Variants in ITPR2 observed in about 807,000 individuals in gnomAD.
The protein encoded by ITPR2 is inositol 1,4,5-trisphosphate-gated calcium channel ITPR2.
ITPR2 carries 207 observed loss-of-function variants against 317.1 expected under a neutral mutation model. The observed-to-expected ratio is 0.65, with a 90% CI of 0.58 to 0.73. The LOEUF is 0.73. Among genes scored for constraint, ITPR2 ranks in the 30% least tolerant of loss-of-function variants. ITPR2 has a pLI of 0.00. For missense variants in ITPR2, 2,613 were observed against 3,284.0 expected, an observed-to-expected ratio of 0.80 and a Z score of 4.99; for synonymous variants, 1,156 against 1,149.1, an observed-to-expected ratio of 1.01 and a Z score of -0.12.
chr12:26,662,154 T>A (rs1358131959), intron 15 of ITPR2, among the ~76,000 whole-genome samples: 1 of 152,218 alleles, frequency 6.6e-6, no homozygotes, highest in African/African-American at 2.4e-5. Context: ...CAAACAGAAT[T>A]GTGAAGCCAA....
Position 26,580,010 on chromosome 12 carries a change from G to A in ITPR2, c.4509+17C>T. 1 of 1,602,166 alleles carries A rather than the reference G, an allele frequency of 6.2e-7. No individual in the cohort carries two copies. The highest frequency in any genetic ancestry group is 8.5e-7 in the Non-Finnish European group (1 of 1,175,378). Reference sequence around the variant, plus strand: ...GAAACTCTTTGCAACAGAATGCTTTGCAATTGTTTAACTTACCTGGAGGCT... The same window carrying A: ...GAAACTCTTTGCAACAGAATGCTTTACAATTGTTTAACTTACCTGGAGGCT... On this transcript the variant is annotated intron_variant, in intron 33 of 56. Coordinates refer to ENST00000381340, the MANE Select transcript of ITPR2 (RefSeq NM_002223.4).
chr12:26,372,333 G>C (rs1006017819), intron 55 of ITPR2, among the ~76,000 whole-genome samples: 3 of 152,122 alleles, frequency 2.0e-5, no homozygotes, highest in African/African-American at 7.2e-5. Context: ...ATAATTTATT[G>C]AGCCCTGAAA....
chr12:26,536,367 T>C (rs1591870577), intron 37 of ITPR2, among the ~76,000 whole-genome samples: 1 of 152,112 alleles, frequency 6.6e-6, no homozygotes, highest in Non-Finnish European at 1.5e-5. Flanking sequence ...TGCTATTTTA[T>C]TAGGACAGTT....
intron 2 of ITPR2, among the ~76,000 whole-genome samples, chr12:26,782,037 T>TATATATATATAGAG (rs1950102369): frequency 1.9e-5 from 1 of 51,736 alleles, no homozygotes; most frequent in African/African-American, 5.7e-5. Context: ...TATATATGTA[T>TATATATATATAGAG]AGAGAGAGAG....
In ITPR2 at chr12:26,439,322, G is replaced by C. The variant is rs745797152; in HGVS notation, c.6451-3C>G. The C allele has an allele frequency of 6.3e-7, 1 of 1,585,848 alleles. No individual in the cohort carries two copies. The highest frequency in any genetic ancestry group is 8.6e-7 in the Non-Finnish European group (1 of 1,166,560). On this transcript the variant is annotated splice_polypyrimidine_tract_variant and splice_region_variant and intron_variant, in intron 46 of 56. Coordinates refer to ENST00000381340, the MANE Select transcript of ITPR2 (RefSeq NM_002223.4). Reference sequence around the variant, plus strand: ...ATGGTCCTATCATGCCGGACAATCTGAAAACATTAATTTGCATTGTTTTTA... The same window carrying C: ...ATGGTCCTATCATGCCGGACAATCTCAAAACATTAATTTGCATTGTTTTTA...
intron 51 of ITPR2, among the ~76,000 whole-genome samples, chr12:26,412,823 C>A (rs148531509): frequency 1.3e-5 from 2 of 152,204 alleles, no homozygotes; most frequent in Non-Finnish European, 2.9e-5. Flanking sequence ...AGGCATGGAC[C>A]AGTCAGAGTG....
At chr12:26,389,798 T>C (rs911871772) in intron 54 of ITPR2, among the ~76,000 whole-genome samples, 3 of 152,134 alleles carry the variant, frequency 2.0e-5, no homozygotes, top group African/African-American at 4.8e-5. Flanking sequence ...ATCTCTAAGA[T>C]AAAGAGGTAA....
At chr12:26,560,968 TC>T (rs1460752088) in intron 35 of ITPR2, among the ~76,000 whole-genome samples, 3 of 152,268 alleles carry the variant, frequency 2.0e-5, no homozygotes, top group Non-Finnish European at 4.4e-5. Flanking sequence ...GAATTAGAAC[TC>T]CCCCAAATTT....
intron 2 of ITPR2, among the ~76,000 whole-genome samples, chr12:26,744,066 A>G (rs1345694639): frequency 6.6e-6 from 1 of 152,214 alleles, no homozygotes; most frequent in Non-Finnish European, 1.5e-5. Flanking sequence ...GCTTCTGCCC[A>G]TGCCCGACTG....
intron 37 of ITPR2, among the ~76,000 whole-genome samples, chr12:26,521,313 C>A (rs11048562): frequency 0.41 from 62,700 of 151,846 alleles, 14,688 homozygotes; most frequent in Non-Finnish European, 0.53. Context: ...AAAATAATTT[C>A]TATTAATTAT....
chr12:26,538,768 G>C (rs533631856), intron 37 of ITPR2, among the ~76,000 whole-genome samples: 2 of 151,982 alleles, frequency 1.3e-5, no homozygotes, highest in Admixed American at 6.5e-5. Flanking sequence ...GTAGATACAG[G>C]GTTTCACCGT....
intron 16 of ITPR2, 44 bp downstream of exon 16, chr12:26,659,069 C>A: frequency 6.7e-7 from 1 of 1,484,456 alleles, no homozygotes; most frequent in Non-Finnish European, 9.2e-7. Context: ...AACATAAAGC[C>A]GCAATCTCCA....
At chr12:26,807,652 T>C (rs1950661827) in intron 1 of ITPR2, among the ~76,000 whole-genome samples, 2 of 152,216 alleles carry the variant, frequency 1.3e-5, no homozygotes, top group South Asian at 4.1e-4. Context: ...ATTCTCCTAA[T>C]TATTAAAAAT....
intron 20 of ITPR2, among the ~76,000 whole-genome samples, chr12:26,655,054 T>A (rs920250538): frequency 2.0e-5 from 3 of 152,226 alleles, no homozygotes; most frequent in African/African-American, 7.2e-5. Flanking sequence ...ACACCAGTTA[T>A]CAAGTAACAG....
chr12:26,446,732 C>CAAAAAAA lies in ITPR2; in HGVS notation c.6343-3089_6343-3083dup, dbSNP rs34601956. ...GAGAAGAGGCATTCTAAAAGGGACT[C>CAAAAAAA]AAAAAAAAAAAAAAAAACACCCACC... On this transcript the variant is annotated intron_variant, in intron 45 of 56. Coordinates refer to ENST00000381340, the MANE Select transcript of ITPR2 (RefSeq NM_002223.4). Among the ~76,000 whole-genome samples, 7 of 122,748 alleles carry CAAAAAAA rather than the reference C, an allele frequency of 5.7e-5. 1 individual carries two copies. Among genetic ancestry groups the CAAAAAAA allele is most frequent in the Non-Finnish European group, 8.3e-5 (5 of 60,370 alleles). The allele number at this position is 122,748 out of a possible 152,430, so 80.5% of individuals were successfully genotyped here.
Position 26,550,165 on chromosome 12 carries a change from AATAGCCT to A in ITPR2, c.5073+75_5073+81del, listed in dbSNP as rs201750034. Reference sequence around the variant, plus strand: ...TAAGATATAATGCAAGTAATCACGTAATAGCCTATTGTAATTCATAGGTTACAGTATT... The same window carrying A: ...TAAGATATAATGCAAGTAATCACGTAATTGTAATTCATAGGTTACAGTATT... On this transcript the variant is annotated intron_variant, in intron 37 of 56. Transcript: ENST00000381340. 211 of 601,278 alleles carry A rather than the reference AATAGCCT, an allele frequency of 3.5e-4. 1 individual carries two copies. The African/African-American group carries it at 3.5e-3, about 10-fold the overall frequency. 37.2% of individuals were successfully genotyped at this position (601,278 alleles called of 1,614,324 possible).
intron 22 of ITPR2, chr12:26,630,571 C>T (rs1591979991): frequency 1.3e-5 from 2 of 152,344 alleles, no homozygotes; most frequent in African/African-American, 4.8e-5. Flanking sequence ...AAGAAAGACA[C>T]ATTCAGAAAC....
chr12:26,613,783 T>C (rs1214796252), intron 26 of ITPR2, among the ~76,000 whole-genome samples: 2 of 152,134 alleles, frequency 1.3e-5, no homozygotes, highest in Admixed American at 6.5e-5. Flanking sequence ...AAAAATTCTC[T>C]TGAGGCTCCC....
At chr12:26,637,112 G>C (rs961409804) in intron 21 of ITPR2, among the ~76,000 whole-genome samples, 7 of 152,106 alleles carry the variant, frequency 4.6e-5, no homozygotes, top group African/African-American at 1.4e-4. Context: ...CATATCATGT[G>C]CCACATACTA....
Sources: allele counts gnomAD v4.1 joint callset (sites outside exome capture counted in the v4.1 genomes callset), GRCh38; gene constraint gnomAD v4.1.1; transcripts MANE v1.5; gene names NCBI Gene and HGNC (gene_info 2026-07-23, HGNC 2026-07-21).